PCDHGA2: variants seen among roughly 807,000 people sequenced by gnomAD.
PCDHGA2 encodes the protein protocadherin gamma subfamily A, 2.
A neutral mutation model predicts 59.2 loss-of-function variants in PCDHGA2; 40 were observed. That is an observed-to-expected ratio of 0.68 (90% CI 0.52 to 0.88). The LOEUF (loss-of-function observed/expected upper bound fraction) is 0.88, where lower values mean the gene tolerates loss of function less well. Among genes scored for constraint, PCDHGA2 ranks in the 40% least tolerant of loss-of-function variants. The pLI, the probability that PCDHGA2 is intolerant of heterozygous loss-of-function variation, is 0.00. For synonymous variants in PCDHGA2, 560 were observed against 526.0 expected, an observed-to-expected ratio of 1.06 and a Z score of -0.89; for missense variants, 1,226 against 1,204.0, an observed-to-expected ratio of 1.02 and a Z score of -0.27.
chr5:141,444,373 G>A (rs2098434682), intron 1 of PCDHGA2, among the ~76,000 whole-genome samples: 1 of 151,902 alleles, frequency 6.6e-6, no homozygotes, highest in South Asian at 2.1e-4. Context: ...GTTTCTCCAT[G>A]TTGGTCAGGC....
chr5:141,403,611 C>T lies in PCDHGA2; in HGVS notation c.2424+62216C>T. ...CTCACGGCCTCGGATGGCGGCGAGCCGCGTCGCTCCAGCACAGTGCGCATC... is the reference window on the plus strand; with the variant it reads ...CTCACGGCCTCGGATGGCGGCGAGCTGCGTCGCTCCAGCACAGTGCGCATC... On this transcript the variant is annotated intron_variant, in intron 1 of 3. Transcript: ENST00000394576. 6.2e-7 allele frequency: 1 copy of T among 1,613,860 alleles called. No homozygotes were observed.
intron 1 of PCDHGA2, among the ~76,000 whole-genome samples, chr5:141,348,493 A>C (rs1758130989): frequency 6.6e-6 from 1 of 152,196 alleles, no homozygotes; most frequent in Admixed American, 6.5e-5. Context: ...AGGAGAAAAA[A>C]AATTAATTAG....
At chr5:141,414,088 A>G in intron 1 of PCDHGA2, 3 of 1,599,384 alleles carry the variant, frequency 1.9e-6, no homozygotes, top group Non-Finnish European at 8.5e-7. Context: ...TACTGGAGAA[A>G]TAAAAATATC....
intron 1 of PCDHGA2, chr5:141,441,037 A>G (rs1318122240): frequency 6.6e-6 from 1 of 152,194 alleles, no homozygotes; most frequent in Admixed American, 6.5e-5. Context: ...GAAAACTTTA[A>G]GTACATTGGA....
At chr5:141,470,485 GAAT>G (rs2099231720) in intron 1 of PCDHGA2, among the ~76,000 whole-genome samples, 1 of 152,074 alleles carries the variant, frequency 6.6e-6, no homozygotes, top group Admixed American at 6.6e-5. Context: ...AACCCTCTGG[GAAT>G]AATATTAGGT....
intron 1 of PCDHGA2, chr5:141,370,312 G>A (rs2149960218): frequency 2.4e-6 from 3 of 1,269,470 alleles, no homozygotes; most frequent in Non-Finnish European, 3.3e-6. Flanking sequence ...AAAGCAAATA[G>A]TTGGTCCTGC....
At chr5:141,383,331 G>A (rs1374498220) in intron 1 of PCDHGA2, 1 of 1,613,874 alleles carries the variant, frequency 6.2e-7, no homozygotes, top group East Asian at 2.2e-5. Flanking sequence ...AAATAATGGA[G>A]AATACAGCTC....
intron 2 of PCDHGA2, among the ~76,000 whole-genome samples, chr5:141,500,469 A>G (rs917974103): frequency 1.3e-5 from 2 of 152,052 alleles, no homozygotes; most frequent in East Asian, 1.9e-4. Context: ...TCGGCCTCCC[A>G]AAGTGCTGGG....
At chr5:141,376,311 T>C (rs376213960) in intron 1 of PCDHGA2, 29 of 1,613,880 alleles carry the variant, frequency 1.8e-5, no homozygotes, top group Non-Finnish European at 2.4e-5. Flanking sequence ...TTTGTGGGCG[T>C]GGAAGGGGTT....
intron 1 of PCDHGA2, among the ~76,000 whole-genome samples, chr5:141,402,221 G>A (rs567791316): frequency 1.3e-5 from 2 of 151,942 alleles, no homozygotes; most frequent in Admixed American, 6.5e-5. Context: ...TAAAATAAAC[G>A]TTTTTCCAGG....
chr5:141,468,814 C>G (rs2099180978), intron 1 of PCDHGA2, among the ~76,000 whole-genome samples: 1 of 151,814 alleles, frequency 6.6e-6, no homozygotes, highest in African/African-American at 2.4e-5. Context: ...TGCAGTGAGC[C>G]AAGATCAAGC....
Position 141,490,982 on chromosome 5 carries a change from G to A in PCDHGA2, c.2425-3825G>A, listed in dbSNP as rs964673026. 5 of 1,613,994 alleles carry A rather than the reference G, an allele frequency of 3.1e-6. No homozygotes were observed. Among genetic ancestry groups the A allele is most frequent in the Admixed American group, 1.7e-5 (1 of 60,020 alleles). On this transcript the variant is annotated intron_variant, in intron 1 of 3. Coordinates refer to ENST00000394576, the MANE Select transcript of PCDHGA2 (RefSeq NM_018915.4). This position sits in a 1 kb window ranked among gnomAD's most constrained non-coding sequence, Gnocchi z 5.4. The stretch of plus-strand genomic sequence containing the variant: ...CACTCAGCCCCCCAGCGTCTCCCTC[G>A]CTCTGCTCCTCCTGGCTCCTTGGTC...
At chr5:141,468,194 G>A (rs959390749) in intron 1 of PCDHGA2, among the ~76,000 whole-genome samples, 21 of 151,716 alleles carry the variant, frequency 1.4e-4, no homozygotes, top group South Asian at 2.1e-4. Flanking sequence ...GCATGGTGGC[G>A]GGTGCCTGTA....
At chr5:141,351,438 C>A in intron 1 of PCDHGA2, 4 of 1,612,402 alleles carry the variant, frequency 2.5e-6, no homozygotes, top group Non-Finnish European at 3.4e-6. Context: ...TTAGAATCCA[C>A]CTCGAAGAAT....
chr5:141,354,647 C>T (rs1183360310), intron 1 of PCDHGA2, among the ~76,000 whole-genome samples: 1 of 152,198 alleles, frequency 6.6e-6, no homozygotes, highest in Non-Finnish European at 1.5e-5. Flanking sequence ...ATCCATTTTT[C>T]AAGTCCACCT....
chr5:141,375,160 T>G (rs373409677), intron 1 of PCDHGA2: 1 of 1,613,854 alleles, frequency 6.2e-7, no homozygotes, highest in African/African-American at 1.3e-5. Flanking sequence ...TTGCTGAAAG[T>G]GCACCTCCAG....
chr5:141,399,960 G>T, intron 1 of PCDHGA2: 1 of 1,612,214 alleles, frequency 6.2e-7, no homozygotes, highest in Non-Finnish European at 8.5e-7. Flanking sequence ...GCGAGCCCGG[G>T]CTCTTCAGCC....
chr5:141,377,979 G>T (rs887213407), intron 1 of PCDHGA2: 4 of 152,086 alleles, frequency 2.6e-5, no homozygotes, highest in Non-Finnish European at 5.9e-5. Context: ...ATGTTCCTGG[G>T]TTGCAATCCT....
At chr5:141,421,986 AG>A in intron 1 of PCDHGA2, 2 of 1,609,004 alleles carry the variant, frequency 1.2e-6, no homozygotes, top group Non-Finnish European at 1.7e-6. Flanking sequence ...TGAGTGTTCC[AG>A]AAAACATCAG....
Sources: gnomAD v4.1 joint callset for allele counts (sites outside exome capture counted in the v4.1 genomes callset) on GRCh38, gnomAD v4.1.1 for gene constraint, Gnocchi (gnomAD v3.1) non-coding constraint, MANE v1.5 for transcripts, NCBI Gene and HGNC (gene_info 2026-07-23, HGNC 2026-07-21) for gene names.